Variants in NLRP11 observed in about 807,000 individuals in gnomAD.
The protein encoded by NLRP11 is NACHT, LRR and PYD domains-containing protein 11.
A neutral mutation model predicts 79.3 loss-of-function variants in NLRP11; 53 were observed. That is an observed-to-expected ratio of 0.67 (90% CI 0.54 to 0.84). The LOEUF (loss-of-function observed/expected upper bound fraction) is 0.84. NLRP11 is among the 40% of genes least tolerant of loss of function. The pLI is 0.00. For missense variants in NLRP11, 1,264 were observed against 1,255.0 expected, an observed-to-expected ratio of 1.01 and a Z score of -0.11; for synonymous variants, 518 against 462.6, an observed-to-expected ratio of 1.12 and a Z score of -1.54.
intron 1 of NLRP11, among the ~76,000 whole-genome samples, chr19:55,821,098 A>G (rs974689278): frequency 2.0e-5 from 3 of 151,778 alleles, no homozygotes; most frequent in African/African-American, 7.3e-5. Context: ...GAAGCTTGCA[A>G]TTTCCTTCCA....
At chr19:55,807,021 T>C (rs1438483177) in intron 4 of NLRP11, among the ~76,000 whole-genome samples, 4 of 152,012 alleles carry the variant, frequency 2.6e-5, no homozygotes, top group African/African-American at 9.7e-5. Context: ...GCCATTCTTT[T>C]CCCCCCGTAA....
rs755839145 is a variant in NLRP11 at position 55,792,271 on chromosome 19, A to C, written c.2513+30T>G. ...CCAAGCCCTCATGCAGTAGAAACAC[A>C]GTCATCCAGGACAACTGTGGGAGAC... On this transcript the variant is annotated intron_variant, in intron 7 of 9. Transcript: ENST00000589093. 1.1e-4 allele frequency: 173 copies of C among 1,600,554 alleles called. No homozygotes were observed. The Admixed American group carries it at 2.8e-3, about 26-fold the overall frequency.
chr19:55,805,227 A>C (rs894726624), intron 4 of NLRP11, among the ~76,000 whole-genome samples: 1 of 152,108 alleles, frequency 6.6e-6, no homozygotes, highest in African/African-American at 2.4e-5. Flanking sequence ...ATTGTCTCTA[A>C]GGGCCACCTA....
upstream of NLRP11, among the ~76,000 whole-genome samples, chr19:55,835,395 G>A (rs974954116): frequency 5.3e-5 from 8 of 152,366 alleles, 1 homozygote; most frequent in Admixed American, 4.6e-4. Context: ...GACAGTAGCC[G>A]ATATCCATTA....
In NLRP11 at chr19:55,792,440, A is replaced by C. The variant is rs80143194; in HGVS notation, c.2374T>G (p.Cys792Gly). Residue 792 changes from cysteine (C) to glycine (G), a missense_variant, in exon 7 of 10, where the codon TGC becomes GGC. Transcript: ENST00000589093. ...AGAAGCACTCTTCCAAGGGCGCTGC[A>C]GCAATTTTCAGTGAGACAGCAGAAG... is the stretch of plus-strand genomic sequence containing the variant. 4.7e-3 allele frequency: 7,649 copies of C among 1,614,138 alleles called. 316 individuals are homozygous for C. In the African/African-American group the frequency reaches 0.086, roughly 18 times the overall value.
intron 1 of NLRP11, among the ~76,000 whole-genome samples, chr19:55,821,247 A>ACC (rs1209588601): frequency 8.4e-6 from 1 of 119,374 alleles, no homozygotes; most frequent in Non-Finnish European, 1.8e-5. Flanking sequence ...ACACACACAC[A>ACC]CACCCCAAGC....
intron 1 of NLRP11, among the ~76,000 whole-genome samples, chr19:55,827,882 G>A (rs1475967334): frequency 1.3e-5 from 2 of 151,274 alleles, no homozygotes; most frequent in African/African-American, 2.4e-5. Context: ...TCTAGAACTA[G>A]AAATACCATT....
chr19:55,811,846 A>G (rs1244591349), intron 2 of NLRP11, among the ~76,000 whole-genome samples: 2 of 152,052 alleles, frequency 1.3e-5, no homozygotes, highest in Non-Finnish European at 2.9e-5. Context: ...CTTGTTATGC[A>G]GTTCCTTATA....
upstream of NLRP11, among the ~76,000 whole-genome samples, chr19:55,833,190 A>T (rs1982945606): frequency 6.6e-6 from 1 of 152,252 alleles, no homozygotes; most frequent in Admixed American, 6.5e-5. Context: ...TTATTGCCAT[A>T]TACAAAATCC....
intron 2 of NLRP11, among the ~76,000 whole-genome samples, chr19:55,810,875 T>TG (rs2122830511): frequency 6.6e-6 from 1 of 152,352 alleles, no homozygotes; most frequent in East Asian, 1.9e-4. Context: ...GTTTTAGCTT[T>TG]GTTCTTTATC....
chr19:55,798,481 G>T, intron 5 of NLRP11: 1 of 234,770 alleles, frequency 4.3e-6, no homozygotes. Context: ...GACACATAGA[G>T]GGGAACAATA....
chr19:55,830,188 C>T (rs1019535278), intron 1 of NLRP11, among the ~76,000 whole-genome samples: 1 of 152,072 alleles, frequency 6.6e-6, no homozygotes. Flanking sequence ...CCTAAGTGAA[C>T]ACAAGTAGAT....
chr19:55,796,750 G>T (rs1040921371), intron 5 of NLRP11, among the ~76,000 whole-genome samples: 1 of 151,170 alleles, frequency 6.6e-6, no homozygotes, highest in African/African-American at 2.4e-5. Context: ...GCAATGGTGC[G>T]ATCTCGGCTC....
rs755558181 is a variant in NLRP11 at position 55,789,071 on chromosome 19, C to G, written c.2685-94G>C. ...GAACTGGACATCTACTAGATCCCTC[C>G]AAGTTTTGGGCAAAAGAACTGACTG... On this transcript the variant is annotated intron_variant, in intron 8 of 9. Coordinates refer to ENST00000589093, the Ensembl canonical transcript of NLRP11. 4.7e-6 allele frequency: 7 copies of G among 1,486,508 alleles called. 1 individual carries two copies. Among genetic ancestry groups the G allele is most frequent in the Non-Finnish European group, 6.5e-6 (7 of 1,081,348 alleles). 92.1% of individuals were successfully genotyped at this position (1,486,508 alleles called of 1,614,324 possible).
upstream of NLRP11, among the ~76,000 whole-genome samples, chr19:55,835,109 T>C (rs549036174): frequency 1.2e-4 from 19 of 152,196 alleles, no homozygotes; most frequent in African/African-American, 4.6e-4. Flanking sequence ...TTACAGTAAT[T>C]CCTTAAAGTT....
chr19:55,801,541 G>A, intron 5 of NLRP11, 31 bp downstream of exon 5: 4 of 1,600,124 alleles, frequency 2.5e-6, no homozygotes, highest in Non-Finnish European at 3.4e-6. Context: ...CCCCTCACAT[G>A]CACTGAGCTT....
At chr19:55,829,499 C>G (rs2122938679) in intron 1 of NLRP11, among the ~76,000 whole-genome samples, 1 of 151,998 alleles carries the variant, frequency 6.6e-6, no homozygotes, top group African/African-American at 2.4e-5. Flanking sequence ...AGCCTTGTCT[C>G]TACTAAAAGT....
At chr19:55,789,986 G>A (rs752421305) in intron 7 of NLRP11, among the ~76,000 whole-genome samples, 11 of 152,070 alleles carry the variant, frequency 7.2e-5, no homozygotes, top group Non-Finnish European at 1.5e-4. Context: ...GTTGGCCTTC[G>A]TGTTGATTCT....
rs567239715 is a variant in NLRP11 at position 55,823,140 on chromosome 19, C to G, written c.-62-4904G>C. 2.0e-5 allele frequency among the ~76,000 whole-genome samples: 3 copies of G among 146,824 alleles called. No homozygotes were observed. In the South Asian group the frequency reaches 6.4e-4, roughly 32 times the overall value. ...AAGCAGCCTAACTGGGAGGCACCCCCCAGCAGGAGCACACTGACACCTCAC... is the reference window on the plus strand; with the variant it reads ...AAGCAGCCTAACTGGGAGGCACCCCGCAGCAGGAGCACACTGACACCTCAC... On this transcript the variant is annotated intron_variant, in intron 1 of 9. Coordinates refer to ENST00000589093, the Ensembl canonical transcript of NLRP11.
Sources: allele counts gnomAD v4.1 joint callset (sites outside exome capture counted in the v4.1 genomes callset), GRCh38; gene constraint gnomAD v4.1.1; transcripts MANE v1.5; gene names NCBI Gene and HGNC (gene_info 2026-07-23, HGNC 2026-07-21).